Variants in PHACTR2 observed in about 807,000 individuals in gnomAD.
PHACTR2 encodes the protein chromosome 6 open reading frame 56.
Under a neutral mutation model 76.0 loss-of-function variants are expected in PHACTR2, and 30 were observed. The ratio of observed to expected loss-of-function variants is 0.39; its 90% CI spans 0.30 to 0.54. The LOEUF (loss-of-function observed/expected upper bound fraction) is 0.54. Ranked by LOEUF, PHACTR2 falls within the 20% of genes least tolerant of loss-of-function variation. The probability of loss-of-function intolerance (pLI) is 0.61; values close to 1 mark genes in which losing one functional copy is unlikely to be tolerated. For missense variants in PHACTR2, 696 were observed against 781.1 expected, an observed-to-expected ratio of 0.89 and a Z score of 1.30; for synonymous variants, 292 against 292.5, an observed-to-expected ratio of 1.00 and a Z score of 0.02.
At chr6:143,666,299 C>G (rs897289900) in intron 1 of PHACTR2, among the ~76,000 whole-genome samples, 16 of 152,262 alleles carry the variant, frequency 1.1e-4, no homozygotes, top group Non-Finnish European at 2.2e-4. Flanking sequence ...TGGCTTGGTT[C>G]CAAGTCTTTG....
chr6:143,747,049 A>G (rs2128469360), intron 2 of PHACTR2, among the ~76,000 whole-genome samples: 1 of 152,066 alleles, frequency 6.6e-6, no homozygotes, highest in East Asian at 1.9e-4. Flanking sequence ...TCATTCACTC[A>G]TTTTCCTGTT....
intron 1 of PHACTR2, among the ~76,000 whole-genome samples, chr6:143,569,083 G>A (rs1330014309): frequency 6.6e-6 from 1 of 152,144 alleles, no homozygotes; most frequent in African/African-American, 2.4e-5. Context: ...CCCATATTTG[G>A]AGAGATGTTT....
In PHACTR2 at chr6:143,553,328, T is replaced by G. The variant is rs1775118969; in HGVS notation, c.217+16121T>G. ...TGAACAACTTCAATTTGTACAGAAG[T>G]GACTGTGCATTTTAAAGAGAGAATG... On this transcript the variant is annotated intron_variant, in intron 1 of 11. Coordinates refer to the PHACTR2 transcript ENST00000367584. The surrounding 1 kb of genome is among the most constrained non-coding windows in gnomAD (Gnocchi z 4.2). 6.6e-6 allele frequency among the ~76,000 whole-genome samples: 1 copy of G among 152,204 alleles called. No homozygotes were observed. Among genetic ancestry groups the G allele is most frequent in the African/African-American group, 2.4e-5 (1 of 41,442 alleles).
In PHACTR2 at chr6:143,616,536, G is replaced by A. The variant is rs79176597; in HGVS notation, c.13+8214G>A. On this transcript the variant is annotated intron_variant, in intron 1 of 11. Transcript: ENST00000305766. The surrounding 1 kb of genome is among the most constrained non-coding windows in gnomAD (Gnocchi z 4.9). ...GCCTTCTCCTCCTTGCCATTCAGTCGTTAATTCATCCATACATCCTGGTGA... is the reference window on the plus strand; with the variant it reads ...GCCTTCTCCTCCTTGCCATTCAGTCATTAATTCATCCATACATCCTGGTGA... Among the ~76,000 whole-genome samples the A allele has an allele frequency of 0.012, 1,861 of 152,018 alleles. 47 individuals are homozygous for A. Among genetic ancestry groups the A allele is most frequent in the African/African-American group, 0.042 (1,750 of 41,416 alleles).
Position 143,639,131 on chromosome 6 carries a change from AT to A in PHACTR2, c.13+30810del, listed in dbSNP as rs1306691105. Among the ~76,000 whole-genome samples the A allele has an allele frequency of 6.6e-6, 1 of 152,248 alleles. No homozygotes were observed. The highest frequency in any genetic ancestry group is 1.5e-5 in the Non-Finnish European group (1 of 68,044). On this transcript the variant is annotated intron_variant, in intron 1 of 11. Transcript: ENST00000305766. This position sits in a 1 kb window ranked among gnomAD's most constrained non-coding sequence, Gnocchi z 5.0. ...ATGCATAATTTTTTAACAGTGTCCAATATTCTTCTGAATTATTTTTGAATCA... is the reference window on the plus strand; with the variant it reads ...ATGCATAATTTTTTAACAGTGTCCAAATTCTTCTGAATTATTTTTGAATCA...
At position 143,662,771 on chromosome 6, in the gene PHACTR2, CA is replaced by C. The variant is rs1484490648; in HGVS notation, c.14-49244del. On this transcript the variant is annotated intron_variant, in intron 1 of 11. Coordinates refer to the PHACTR2 transcript ENST00000305766. This position sits in a 1 kb window ranked among gnomAD's most constrained non-coding sequence, Gnocchi z 4.7. ...TTAATTTCGGCTTTTATTTTTGATA[CA>C]GGGGGTATGTATGGAGGACTGTTAT... Among the ~76,000 whole-genome samples the C allele has an allele frequency of 4.0e-5, 6 of 151,844 alleles. No homozygotes were observed. The highest frequency in any genetic ancestry group is 3.9e-4 in the Admixed American group (6 of 15,226).
In PHACTR2 at chr6:143,556,906, G is replaced by A. The variant is rs559191622; in HGVS notation, c.217+19699G>A. Among the ~76,000 whole-genome samples, 2 of 152,286 alleles carry A rather than the reference G, an allele frequency of 1.3e-5. No homozygotes were observed. Among genetic ancestry groups the A allele is most frequent in the Non-Finnish European group, 2.9e-5 (2 of 68,020 alleles). ...ACTAATAAAAATGATGCACAAAGAC[G>A]TGAGAAGATATGCTGCCTGTCTGTC... On this transcript the variant is annotated intron_variant, in intron 1 of 11. Coordinates refer to the PHACTR2 transcript ENST00000367584. This position sits in a 1 kb window ranked among gnomAD's most constrained non-coding sequence, Gnocchi z 4.3.
chr6:143,657,358 G>A (rs540990643), intron 1 of PHACTR2, among the ~76,000 whole-genome samples: 2 of 152,040 alleles, frequency 1.3e-5, no homozygotes, highest in African/African-American at 4.8e-5. Flanking sequence ...TCCAACCCCT[G>A]AAAAAAGATC....
At chr6:143,572,669 C>T (rs1775457200) in intron 1 of PHACTR2, among the ~76,000 whole-genome samples, 1 of 152,202 alleles carries the variant, frequency 6.6e-6, no homozygotes, top group Non-Finnish European at 1.5e-5. Context: ...CCTCATGCCT[C>T]AGCCTCCTAA....
rs1015148829 is a variant in PHACTR2, at chr6:143,684,688, C to T, written c.46+6479C>T. On this transcript the variant is annotated intron_variant, in intron 1 of 12. Coordinates refer to ENST00000440869, the MANE Select transcript of PHACTR2 (RefSeq NM_001100164.2). This position sits in a 1 kb window ranked among gnomAD's most constrained non-coding sequence, Gnocchi z 4.3. ...CAGGGTCACTCTTAGCCCATAGCCTCGTGAGAATTAGAAGTCACTTCCTCT... is the reference window on the plus strand; with the variant it reads ...CAGGGTCACTCTTAGCCCATAGCCTTGTGAGAATTAGAAGTCACTTCCTCT... 6.6e-5 allele frequency among the ~76,000 whole-genome samples: 10 copies of T among 152,330 alleles called. No homozygotes were observed. Among genetic ancestry groups the T allele is most frequent in the African/African-American group, 9.6e-5 (4 of 41,570 alleles).
At position 143,614,457 on chromosome 6, in the gene PHACTR2, C is replaced by G. The variant is rs538952185; in HGVS notation, c.13+6135C>G. 9.7e-4 allele frequency among the ~76,000 whole-genome samples: 147 copies of G among 152,284 alleles called. 2 individuals are homozygous for G. The highest frequency in any genetic ancestry group is 3.3e-3 in the African/African-American group (137 of 41,558). ...CTTATTCTTCCTCTCCGGAGTTCTT[C>G]TCAACTTCCTGTTTCCAAATATAGG... On this transcript the variant is annotated intron_variant, in intron 1 of 11. Coordinates refer to the PHACTR2 transcript ENST00000305766.
In PHACTR2 at chr6:143,787,832, A is replaced by G. The variant is rs1048783205; in HGVS notation, c.1708-941A>G. On this transcript the variant is annotated intron_variant, in intron 10 of 12. Coordinates refer to ENST00000440869, the MANE Select transcript of PHACTR2 (RefSeq NM_001100164.2). This position sits in a 1 kb window ranked among gnomAD's most constrained non-coding sequence, Gnocchi z 4.6. ...GGTAGTCTGGCTGTATACAGAGTATATATAAGAGAGGAAATATATGAAAAT... is the reference window on the plus strand; with the variant it reads ...GGTAGTCTGGCTGTATACAGAGTATGTATAAGAGAGGAAATATATGAAAAT... Among the ~76,000 whole-genome samples the G allele has an allele frequency of 3.9e-5, 6 of 152,282 alleles. No homozygotes were observed. The highest frequency in any genetic ancestry group is 1.4e-4 in the African/African-American group (6 of 41,554).
At position 143,829,586 on chromosome 6, in the gene PHACTR2, A is replaced by T. The variant is rs910146334; in HGVS notation, c.*5897A>T. On this transcript the variant is annotated 3_prime_UTR_variant, in exon 13 of 13. Coordinates refer to ENST00000440869, the MANE Select transcript of PHACTR2 (RefSeq NM_001100164.2). ...CAGTGATGGTCACACACAAAACAAG[A>T]TGAGTTTTACTTAGGTGAAACATTA... 1 of 152,206 alleles carries T rather than the reference A, an allele frequency of 6.6e-6. No homozygotes were observed. Among genetic ancestry groups the T allele is most frequent in the Admixed American group, 6.5e-5 (1 of 15,278 alleles). 9.4% of individuals were successfully genotyped at this position (152,206 alleles called of 1,614,324 possible). A position where few individuals can be genotyped will look rare whatever the true frequency, so the allele number is the denominator to read the frequency against.
Position 143,602,152 on chromosome 6 carries a change from C to G in PHACTR2, c.217+64945C>G, listed in dbSNP as rs977967461. 1.3e-5 allele frequency among the ~76,000 whole-genome samples: 2 copies of G among 152,318 alleles called. No homozygotes were observed. Among genetic ancestry groups the G allele is most frequent in the East Asian group, 1.9e-4 (1 of 5,184 alleles). ...TTAGTTTTGTTTTCACTCTCGCTCTCCCCCTCCCTAATAGTTTTATGGTTT... is the reference window on the plus strand; with the variant it reads ...TTAGTTTTGTTTTCACTCTCGCTCTGCCCCTCCCTAATAGTTTTATGGTTT... On this transcript the variant is annotated intron_variant, in intron 1 of 11. Transcript: ENST00000367584. The surrounding 1 kb of genome is among the most constrained non-coding windows in gnomAD (Gnocchi z 6.1).
chr6:143,705,387 C>T lies in PHACTR2; in HGVS notation c.47-6629C>T, dbSNP rs1351957777. On this transcript the variant is annotated intron_variant, in intron 1 of 12. Coordinates refer to ENST00000440869, the MANE Select transcript of PHACTR2 (RefSeq NM_001100164.2). ...TTGGTTCACTGCAAGCTCTGCCTCC[C>T]GGGTTCACGCCATTCTCCTGCCTCA... Among the ~76,000 whole-genome samples, 6 of 150,674 alleles carry T rather than the reference C, an allele frequency of 4.0e-5. No homozygotes were observed. The East Asian group carries it at 7.8e-4, about 20-fold the overall frequency.
chr6:143,577,068 A>G (rs894509404), intron 1 of PHACTR2, among the ~76,000 whole-genome samples: 1 of 152,056 alleles, frequency 6.6e-6, no homozygotes, highest in African/African-American at 2.4e-5. Flanking sequence ...GTTGTTATTT[A>G]CCCTTATAAT....
At position 143,822,147 on chromosome 6, in the gene PHACTR2, C is replaced by A. The variant is rs568133153; in HGVS notation, c.1923-1527C>A. Among the ~76,000 whole-genome samples the A allele has an allele frequency of 2.6e-5, 4 of 152,286 alleles. No homozygotes were observed. Among genetic ancestry groups the A allele is most frequent in the Non-Finnish European group, 5.9e-5 (4 of 68,024 alleles). ...ATGAGTTGGGCCACTTTCTGAAAAG[C>A]CTTACTTGCTACTCCAGGAACTTTA... On this transcript the variant is annotated intron_variant, in intron 12 of 12. Coordinates refer to ENST00000440869, the MANE Select transcript of PHACTR2 (RefSeq NM_001100164.2). This position sits in a 1 kb window ranked among gnomAD's most constrained non-coding sequence, Gnocchi z 5.5.
intron 1 of PHACTR2, among the ~76,000 whole-genome samples, chr6:143,626,177 G>A (rs1776253819): frequency 3.3e-5 from 5 of 152,120 alleles, no homozygotes; most frequent in Admixed American, 6.5e-5. Flanking sequence ...CAGAATGAAG[G>A]CACATAATTA....
rs1776246496 is a variant in PHACTR2, at chr6:143,625,737, C to T, written c.13+17415C>T. 2.0e-5 allele frequency among the ~76,000 whole-genome samples: 3 copies of T among 152,110 alleles called. No individual in the cohort carries two copies. The highest frequency in any genetic ancestry group is 4.8e-5 in the African/African-American group (2 of 41,406). On this transcript the variant is annotated intron_variant, in intron 1 of 11. Transcript: ENST00000305766. This position sits in a 1 kb window ranked among gnomAD's most constrained non-coding sequence, Gnocchi z 4.3. ...GTGCCTACTGGGTCAGGCACTCTTCCGGGTGCAGTGAATGGGGCAGTGATG... is the reference window on the plus strand; with the variant it reads ...GTGCCTACTGGGTCAGGCACTCTTCTGGGTGCAGTGAATGGGGCAGTGATG...
Sources: gnomAD v4.1 joint callset for allele counts (sites outside exome capture counted in the v4.1 genomes callset) on GRCh38, gnomAD v4.1.1 for gene constraint, Gnocchi (gnomAD v3.1) non-coding constraint, MANE v1.5 for transcripts, NCBI Gene and HGNC (gene_info 2026-07-23, HGNC 2026-07-21) for gene names.